PSMA6: variants seen among roughly 807,000 people sequenced by gnomAD.
PSMA6 encodes proteasome subunit alpha type-6.
For synonymous variants in PSMA6, 88 were observed against 97.7 expected (o/e 0.90, Z 0.59); for missense variants, 170 against 294.8 (o/e 0.58, Z 3.10).
intron 1 of PSMA6, chr14:35,278,768 T>A (rs923888077): frequency 7.9e-6 from 12 of 1,517,732 alleles, no homozygotes; most frequent in Middle Eastern, 4.3e-4. Context: ...TATTACTGAT[T>A]CTTTGAAAAT....
chr14:35,280,645 G>A (rs1453855715), intron 1 of PSMA6, among the ~76,000 whole-genome samples: 6 of 151,906 alleles, frequency 3.9e-5, no homozygotes, highest in African/African-American at 1.5e-4. Flanking sequence ...GCCTCCCAAA[G>A]TGCTGGGATT....
At chr14:35,282,633 T>C (rs568058590) in intron 1 of PSMA6, among the ~76,000 whole-genome samples, 16 of 152,162 alleles carry the variant, frequency 1.1e-4, no homozygotes, top group African/African-American at 3.9e-4. Flanking sequence ...GGAGGATTTC[T>C]TGCATCTAGG....
upstream of PSMA6, among the ~76,000 whole-genome samples, chr14:35,289,332 T>C (rs1399299353): frequency 7.0e-6 from 1 of 143,790 alleles, no homozygotes; most frequent in Non-Finnish European, 1.5e-5. Flanking sequence ...AACAAATTTA[T>C]GATTTTTTTT....
At chr14:35,304,662 G>A (rs1331943905) in intron 1 of PSMA6, among the ~76,000 whole-genome samples, 1 of 151,828 alleles carries the variant, frequency 6.6e-6, no homozygotes, top group Non-Finnish European at 1.5e-5. Flanking sequence ...AGGAGGCAGG[G>A]GTTGCAGTAA....
chr14:35,290,167 C>A (rs2051462536), upstream of PSMA6, among the ~76,000 whole-genome samples: 1 of 151,988 alleles, frequency 6.6e-6, no homozygotes, highest in Non-Finnish European at 1.5e-5. Flanking sequence ...AGATCCAGTT[C>A]CAGAGAAGGG....
Position 35,292,563 on chromosome 14 carries a change from CA to C in PSMA6, c.76+12del, listed in dbSNP as rs777758655. On this transcript the variant is annotated intron_variant, in intron 1 of 6. Coordinates refer to ENST00000261479, the MANE Select transcript of PSMA6 (RefSeq NM_002791.3). ...GGCTCTACCAAGTAGGTGAGTGAACCAGGTTCGCCTGTGGGCCACCTGAATT... is the reference window on the plus strand; with the variant it reads ...GGCTCTACCAAGTAGGTGAGTGAACCGGTTCGCCTGTGGGCCACCTGAATT... 2 of 1,612,828 alleles carry C rather than the reference CA, an allele frequency of 1.2e-6. No homozygotes were observed. The highest frequency in any genetic ancestry group is 8.5e-7 in the Non-Finnish European group (1 of 1,179,226).
At chr14:35,289,956 A>T (rs2051460610), upstream of PSMA6, among the ~76,000 whole-genome samples, 1 of 150,734 alleles carries the variant, frequency 6.6e-6, no homozygotes, top group Non-Finnish European at 1.5e-5. Flanking sequence ...GCAGAGCAGG[A>T]ACAAATGAAG....
chr14:35,306,300 T>C (rs1407942536), intron 1 of PSMA6, among the ~76,000 whole-genome samples: 1 of 151,900 alleles, frequency 6.6e-6, no homozygotes, highest in Non-Finnish European at 1.5e-5. Context: ...CTCACGCCTG[T>C]AATCTCAGCA....
At chr14:35,292,249 G>C, upstream of PSMA6, 1 of 1,305,946 alleles carries the variant, frequency 7.7e-7, no homozygotes, top group Non-Finnish European at 9.9e-7. Flanking sequence ...TGGCGCAGGC[G>C]CATACCTTCA....
intron 1 of PSMA6, 175 bp downstream of exon 1, chr14:35,292,727 A>C (rs956856579): frequency 1.6e-6 from 2 of 1,244,360 alleles, no homozygotes; most frequent in Non-Finnish European, 2.2e-6. Flanking sequence ...GTCTGGACGC[A>C]GGGATCGGGG....
chr14:35,297,767 G>A (rs920495919), intron 1 of PSMA6, among the ~76,000 whole-genome samples: 2 of 152,188 alleles, frequency 1.3e-5, no homozygotes, highest in Non-Finnish European at 2.9e-5. Context: ...AGCCTGAGCT[G>A]TGTACAGTGT....
intron 1 of PSMA6, among the ~76,000 whole-genome samples, chr14:35,302,846 A>G (rs1259633162): frequency 6.6e-6 from 1 of 151,748 alleles, no homozygotes; most frequent in East Asian, 1.9e-4. Flanking sequence ...CAGTTCTACA[A>G]TTTCCTTTTG....
chr14:35,309,056 C>G, intron 3 of PSMA6, 61 bp downstream of exon 3: 1 of 1,272,078 alleles, frequency 7.9e-7, no homozygotes, highest in Non-Finnish European at 1.1e-6. Context: ...TTATTTTCTT[C>G]AAATTATTTT....
At chr14:35,297,126 T>TG (rs1319296440) in intron 1 of PSMA6, among the ~76,000 whole-genome samples, 1 of 148,442 alleles carries the variant, frequency 6.7e-6, no homozygotes, top group Non-Finnish European at 1.5e-5. Flanking sequence ...AAAGTTTTTT[T>TG]TTTTTTTTTT....
At chr14:35,311,071 C>T (rs530690419) in intron 4 of PSMA6, 176 bp downstream of exon 4, 110 of 577,856 alleles carry the variant, frequency 1.9e-4, no homozygotes, top group Middle Eastern at 1.9e-3. Context: ...AACAGTATGT[C>T]GGGCATTATC....
intron 2 of PSMA6, chr14:35,308,421 CAAAAAAA>C (rs201102710): frequency 3.4e-4 from 47 of 139,444 alleles, no homozygotes; most frequent in South Asian, 1.7e-3. Flanking sequence ...AACTCCGTCT[CAAAAAAA>C]AAAAGAAAAA....
chr14:35,285,361 A>C (rs2051411975), intron 1 of PSMA6, among the ~76,000 whole-genome samples: 1 of 150,670 alleles, frequency 6.6e-6, no homozygotes, highest in Admixed American at 6.6e-5. Context: ...AAAACAAAAA[A>C]AAAAACCGTA....
At chr14:35,278,803 C>G in intron 1 of PSMA6, 1 of 1,459,976 alleles carries the variant, frequency 6.8e-7, no homozygotes, top group Non-Finnish European at 9.2e-7. Context: ...TTTTATTCCT[C>G]TTTACAATGA....
chr14:35,291,823 CAAAAAAAA>C (rs113987343), upstream of PSMA6, among the ~76,000 whole-genome samples: 5 of 47,734 alleles, frequency 1.0e-4, no homozygotes, highest in East Asian at 6.1e-4. Context: ...AACTCTGTCT[CAAAAAAAA>C]AAAAAAAAAA....
Sources: gnomAD v4.1 joint callset for allele counts (sites outside exome capture counted in the v4.1 genomes callset) on GRCh38, gnomAD v4.1.1 for gene constraint, MANE v1.5 for transcripts, NCBI Gene and HGNC (gene_info 2026-07-23, HGNC 2026-07-21) for gene names.